Variants in FRAS1 observed in about 807,000 individuals in gnomAD.
FRAS1 encodes the protein Fraser extracellular matrix complex subunit 1, also known as extracellular matrix organizing protein FRAS1.
In FRAS1, 290 loss-of-function variants were observed where a neutral mutation model predicts 435.2. The ratio of observed to expected loss-of-function variants is 0.67; its 90% CI spans 0.61 to 0.73. FRAS1 has a LOEUF of 0.73. FRAS1 is among the 30% of genes least tolerant of loss of function. The probability of loss-of-function intolerance (pLI) is 0.00; values close to 1 mark genes in which losing one functional copy is unlikely to be tolerated. For synonymous variants in FRAS1, 1,800 were observed against 1,851.0 expected (o/e 0.97, Z 0.71); for missense variants, 4,860 against 5,001.5 (o/e 0.97, Z 0.85).
intron 2 of FRAS1, among the ~76,000 whole-genome samples, chr4:78,083,631 T>TTTTTG (rs1473420813): frequency 2.7e-5 from 4 of 150,058 alleles, no homozygotes; most frequent in African/African-American, 9.8e-5. Context: ...GTTCTGTTTT[T>TTTTTG]TTTTTTTTTT....
chr4:78,364,922 C>G (rs1731204324), intron 22 of FRAS1, among the ~76,000 whole-genome samples: 1 of 152,102 alleles, frequency 6.6e-6, no homozygotes, highest in African/African-American at 2.4e-5. Context: ...AAGTTCAAAT[C>G]CTAACTGCTA....
intron 20 of FRAS1, among the ~76,000 whole-genome samples, chr4:78,363,274 G>A (rs6833805): frequency 2.6e-5 from 4 of 151,904 alleles, no homozygotes; most frequent in African/African-American, 7.3e-5. Context: ...AGGTCATTCC[G>A]TTGGAAAGGG....
Position 78,540,754 on chromosome 4 carries a change from T to C in FRAS1, c.11669T>C (p.Met3890Thr), listed in dbSNP as rs1722023471. The change falls in exon 74 of 74, where the codon ATG becomes ACG. Residue 3890 changes from methionine to threonine, a missense_variant. By Grantham distance (81) the Met-to-Thr change is moderately conservative. Transcript: ENST00000512123. Reference sequence around the variant, plus strand: ...AATATGAAGTCCCTGAATCTGGAGATGCAAGAGTTGGCGGTAGCTGCGTCC... The same window carrying C: ...AATATGAAGTCCCTGAATCTGGAGACGCAAGAGTTGGCGGTAGCTGCGTCC... ...GTNMKSLNLE[M>T]QELAVAASLS... 6.2e-7 allele frequency: 1 copy of C among 1,613,886 alleles called. No individual in the cohort carries two copies. The highest frequency in any genetic ancestry group is 8.5e-7 in the Non-Finnish European group (1 of 1,179,824).
At chr4:78,092,117 T>C (rs1194272090) in intron 2 of FRAS1, among the ~76,000 whole-genome samples, 1 of 151,908 alleles carries the variant, frequency 6.6e-6, no homozygotes, top group Admixed American at 6.6e-5. Flanking sequence ...CTCAGTGTTT[T>C]GGTGGTGAGA....
At chr4:78,290,569 G>GCCTCAGC (rs1727843364) in intron 14 of FRAS1, among the ~76,000 whole-genome samples, 1 of 151,668 alleles carries the variant, frequency 6.6e-6, no homozygotes, top group Non-Finnish European at 1.5e-5. Flanking sequence ...CGATTCTCCT[G>GCCTCAGC]CTTCCTGAGC....
chr4:78,297,869 A>G (rs748701025), intron 14 of FRAS1, among the ~76,000 whole-genome samples: 6 of 152,140 alleles, frequency 3.9e-5, no homozygotes, highest in Middle Eastern at 3.4e-3. Context: ...CTGTGGTAGC[A>G]TATGTTCAGT....
chr4:78,070,265 A>G (rs1017385102), intron 2 of FRAS1, among the ~76,000 whole-genome samples: 2 of 151,872 alleles, frequency 1.3e-5, no homozygotes, highest in African/African-American at 4.8e-5. Flanking sequence ...GTATATATAT[A>G]TATATATATA....
chr4:78,313,300 C>G (rs1417239093), intron 15 of FRAS1, among the ~76,000 whole-genome samples: 1 of 152,162 alleles, frequency 6.6e-6, no homozygotes, highest in Non-Finnish European at 1.5e-5. Context: ...AGCCCATTCT[C>G]TTACTCTACA....
At chr4:78,279,541 T>TA (rs1266723028) in intron 10 of FRAS1, among the ~76,000 whole-genome samples, 1 of 152,140 alleles carries the variant, frequency 6.6e-6, no homozygotes, top group African/African-American at 2.4e-5. Context: ...GCACATTTGG[T>TA]AAAAAGTGAA....
intron 26 of FRAS1, 73 bp from the exon 27 acceptor site, chr4:78,379,653 A>G: frequency 6.8e-7 from 1 of 1,459,882 alleles, no homozygotes; most frequent in Non-Finnish European, 9.4e-7. Context: ...GAAAAAATAA[A>G]CAAAATAAGG....
rs78575519 is a variant in FRAS1, at chr4:78,421,957, G to A, written c.4635G>A (p.Pro1545=). The A allele has an allele frequency of 0.22, 347,192 of 1,612,866 alleles. 40,863 individuals carry two copies. Among genetic ancestry groups the A allele is most frequent in the Non-Finnish European group, 0.25 (291,836 of 1,179,328 alleles). ...NQGKVMYRPP[P]AAPHLQELMA... is the part of the protein sequence containing the mutation. ...GCAAAGTCATGTACCGCCCTCCCCC[G>A]GCAGCACCCCACCTCCAGGAGCTCA... Residue 1545 remains proline, a synonymous_variant, in exon 34 of 74, where the codon CCG becomes CCA. Coordinates refer to ENST00000512123, the MANE Select transcript of FRAS1 (RefSeq NM_025074.7).
intron 14 of FRAS1, among the ~76,000 whole-genome samples, chr4:78,290,172 G>A (rs974810327): frequency 2.6e-5 from 4 of 152,276 alleles, no homozygotes; most frequent in East Asian, 3.9e-4. Context: ...TAATTTTAAC[G>A]TAAGGTTAAA....
chr4:78,526,557 G>A lies in FRAS1; in HGVS notation c.10825G>A (p.Glu3609Lys). 1 of 1,596,264 alleles carries A rather than the reference G, an allele frequency of 6.3e-7. No homozygotes were observed. The highest frequency in any genetic ancestry group is 8.5e-7 in the Non-Finnish European group (1 of 1,171,074). The change falls in exon 70 of 74, where the codon GAG (glutamate) becomes AAG (lysine). Residue 3609 changes from glutamate (E) to lysine (K), a missense_variant. Physicochemically the swap from Glu to Lys is moderately conservative, Grantham distance 56. Coordinates refer to ENST00000512123, the MANE Select transcript of FRAS1 (RefSeq NM_025074.7). ...TGTTTCCAGGAAGGACTACTCAGGAGAGTACACCATCTACCTGATCCCTTG... is the reference window on the plus strand; with the variant it reads ...TGTTTCCAGGAAGGACTACTCAGGAAAGTACACCATCTACCTGATCCCTTG... The part of the protein sequence containing the change: ...SSYNRKDYSG[E>K]YTIYLIPCTV...
chr4:78,377,291 A>C (rs537977076), intron 26 of FRAS1, among the ~76,000 whole-genome samples: 1 of 152,256 alleles, frequency 6.6e-6, no homozygotes, highest in South Asian at 2.1e-4. Context: ...ATGGGAAAAA[A>C]TATTTTTGGC....
chr4:78,214,535 C>T (rs949459926), intron 2 of FRAS1, among the ~76,000 whole-genome samples: 1 of 152,184 alleles, frequency 6.6e-6, no homozygotes, highest in Non-Finnish European at 1.5e-5. Flanking sequence ...TAAAGCAAAT[C>T]CTTCATTGTA....
At chr4:78,108,921 C>G (rs1331738109) in intron 2 of FRAS1, among the ~76,000 whole-genome samples, 1 of 112,380 alleles carries the variant, frequency 8.9e-6, no homozygotes, top group South Asian at 2.8e-4. Flanking sequence ...GGGGATATCA[C>G]CACCGATCCC....
chr4:78,159,117 G>A (rs899987344), intron 2 of FRAS1, among the ~76,000 whole-genome samples: 1 of 152,210 alleles, frequency 6.6e-6, no homozygotes, highest in Non-Finnish European at 1.5e-5. Context: ...TTAGTATGTG[G>A]TTGTGCACAG....
chr4:78,362,884 G>A (rs1731129627), intron 20 of FRAS1, among the ~76,000 whole-genome samples: 1 of 152,202 alleles, frequency 6.6e-6, no homozygotes, highest in South Asian at 2.1e-4. Context: ...GCACAGGATA[G>A]GGGTGGGGCA....
chr4:78,475,649 GTGACA>G, intron 54 of FRAS1, 43 bp downstream of exon 54: 1 of 1,482,162 alleles, frequency 6.7e-7, no homozygotes, highest in Non-Finnish European at 9.0e-7. Context: ...AGCAAGGGCT[GTGACA>G]TGGCTGCAAG....
Sources: gnomAD v4.1 joint callset for allele counts (sites outside exome capture counted in the v4.1 genomes callset) on GRCh38, gnomAD v4.1.1 for gene constraint, MANE v1.5 for transcripts, NCBI Gene and HGNC (gene_info 2026-07-23, HGNC 2026-07-21) for gene names.